CHD6: variants seen among roughly 807,000 people sequenced by gnomAD.
CHD6 encodes the protein chromodomain helicase DNA binding protein 6, also known as ATP-dependent chromatin remodeler CHD6.
In CHD6, 50 loss-of-function variants were observed where a neutral mutation model predicts 276.9. The ratio of observed to expected loss-of-function variants is 0.18; its 90% CI spans 0.14 to 0.23. CHD6 has a LOEUF of 0.23. CHD6 is among the 10% of genes least tolerant of loss of function. The probability of loss-of-function intolerance (pLI) is 1.00; values close to 1 mark genes in which losing one functional copy is unlikely to be tolerated. For missense variants in CHD6, 2,564 were observed against 3,365.8 expected (o/e 0.76, Z 5.89); for synonymous variants, 1,173 against 1,229.3 (o/e 0.95, Z 0.96).
intron 3 of CHD6, among the ~76,000 whole-genome samples, chr20:41,523,905 G>C (rs1196734711): frequency 6.6e-6 from 1 of 152,134 alleles, no homozygotes; most frequent in Non-Finnish European, 1.5e-5. Context: ...CTACTAAGAT[G>C]CATTAATTCA....
chr20:41,406,752 C>G (rs1399633027), intron 36 of CHD6, among the ~76,000 whole-genome samples: 1 of 152,238 alleles, frequency 6.6e-6, no homozygotes, highest in East Asian at 1.9e-4. Flanking sequence ...GCCTTTCTCT[C>G]TCTCGACTGC....
chr20:41,533,089 C>A lies in CHD6; in HGVS notation c.515G>T (p.Cys172Phe), dbSNP rs745666924. 3 of 1,610,910 alleles carry A rather than the reference C, an allele frequency of 1.9e-6. No individual in the cohort carries two copies. The highest frequency in any genetic ancestry group is 1.7e-6 in the Non-Finnish European group (2 of 1,178,992). The change falls in exon 3 of 37, where the codon TGC becomes TTC. Residue 172 changes from cysteine to phenylalanine, a missense_variant. Around this residue, in one of 7 missense-constraint regions of CHD6, gnomAD observed 286 missense variants for 297.8 expected, o/e 0.96. Transcript: ENST00000373233. ...CTTCGTCCTGGCTGCAGAGTCAGTG[C>A]AGCTCCTCTTCTCTTTGGCCTCCTT... ...GTKEAKEKRS[C>F]TDSAARTKSR...
chr20:41,535,979 T>A lies in CHD6; in HGVS notation c.34-2409A>T, dbSNP rs116401954. Reference sequence around the variant, plus strand: ...GTAATAAAATATATAAAATTATAATTGAAAAGTCTACCAGAAATGTTTGTA... The same window carrying A: ...GTAATAAAATATATAAAATTATAATAGAAAAGTCTACCAGAAATGTTTGTA... On this transcript the variant is annotated intron_variant, in intron 2 of 36. Transcript: ENST00000373233. 2.6e-3 allele frequency among the ~76,000 whole-genome samples: 396 copies of A among 152,320 alleles called. 2 individuals carry two copies. Among genetic ancestry groups the A allele is most frequent in the African/African-American group, 9.0e-3 (375 of 41,570 alleles).
At chr20:41,549,267 G>C (rs979237586) in intron 2 of CHD6, among the ~76,000 whole-genome samples, 5 of 151,696 alleles carry the variant, frequency 3.3e-5, no homozygotes, top group Non-Finnish European at 1.5e-5. Context: ...CGATAGACTG[G>C]ATTAAGAAAA....
At chr20:41,542,893 A>G (rs1334593135) in intron 2 of CHD6, among the ~76,000 whole-genome samples, 1 of 151,926 alleles carries the variant, frequency 6.6e-6, no homozygotes, top group Non-Finnish European at 1.5e-5. Flanking sequence ...TCACAAGGTC[A>G]GGAGATTGAG....
At chr20:41,440,413 C>G (rs1235400320) in intron 25 of CHD6, among the ~76,000 whole-genome samples, 1 of 152,206 alleles carries the variant, frequency 6.6e-6, no homozygotes, top group Non-Finnish European at 1.5e-5. Context: ...TGCTTCCCGT[C>G]AGCTGGTTTT....
At position 41,488,572 on chromosome 20, in the gene CHD6, G is replaced by A. The variant is rs775684734; in HGVS notation, c.1713C>T (p.His571=). The A allele has an allele frequency of 8.7e-6, 14 of 1,613,564 alleles. No individual in the cohort carries two copies. The highest frequency in any genetic ancestry group is 5.3e-5 in the African/African-American group (4 of 74,874). Residue 571 remains histidine (H), a synonymous_variant, in exon 13 of 37, where the codon CAC becomes CAT. Coordinates refer to ENST00000373233, the MANE Select transcript of CHD6 (RefSeq NM_032221.5). ...GNPLSGVFKF[H]VVITTFEMIL... ...TCATTTCAAATGTTGTGATGACGAC[G>A]TGGAACTTGAAGACTCCTGAAAGGG...
rs188611517 is a variant in CHD6 at position 41,490,821 on chromosome 20, T to C, written c.1437-800A>G. ...GAGCGAGGCTCTGTCTCAACAAAAA[T>C]AAAAAATAAAAAAATAAAATGGTAT... On this transcript the variant is annotated intron_variant, in intron 11 of 36. Coordinates refer to ENST00000373233, the MANE Select transcript of CHD6 (RefSeq NM_032221.5). 2.3e-3 allele frequency among the ~76,000 whole-genome samples: 352 copies of C among 151,410 alleles called. 1 individual carries two copies. The highest frequency in any genetic ancestry group is 8.1e-3 in the African/African-American group (333 of 41,246).
intron 1 of CHD6, among the ~76,000 whole-genome samples, chr20:41,593,805 T>G (rs1158326745): frequency 6.6e-6 from 1 of 152,072 alleles, no homozygotes; most frequent in East Asian, 1.9e-4. Flanking sequence ...AAAGACCATG[T>G]GAGGATATGG....
At chr20:41,523,159 CT>C (rs1428474210) in intron 3 of CHD6, among the ~76,000 whole-genome samples, 4 of 152,122 alleles carry the variant, frequency 2.6e-5, no homozygotes, top group African/African-American at 4.8e-5. Flanking sequence ...GTTCTGATTC[CT>C]TAAGCCAGTG....
chr20:41,503,200 C>T lies in CHD6; in HGVS notation c.853-3843G>A, dbSNP rs565601076. 3.3e-5 allele frequency among the ~76,000 whole-genome samples: 5 copies of T among 152,088 alleles called. No individual in the cohort carries two copies. In the East Asian group the frequency reaches 5.8e-4, roughly 18 times the overall value. On this transcript the variant is annotated intron_variant, in intron 5 of 36. Transcript: ENST00000373233. The stretch of plus-strand genomic sequence containing the variant: ...TAATTATCCTTTCCTGATGTTATGT[C>T]GCTAGTTTATAGAAATAAAAAATAC...
intron 3 of CHD6, among the ~76,000 whole-genome samples, chr20:41,516,012 C>T (rs6093490): frequency 0.38 from 57,126 of 151,842 alleles, 13,334 homozygotes; most frequent in African/African-American, 0.64. Flanking sequence ...CATATATGTG[C>T]ACATATAAAA....
intron 3 of CHD6, among the ~76,000 whole-genome samples, chr20:41,525,417 T>C (rs1225587670): frequency 6.6e-6 from 1 of 152,202 alleles, no homozygotes; most frequent in Non-Finnish European, 1.5e-5. Flanking sequence ...CAGAGCTGCC[T>C]GCTCCATTGC....
intron 2 of CHD6, among the ~76,000 whole-genome samples, chr20:41,534,581 G>A (rs553912238): frequency 2.6e-5 from 4 of 151,842 alleles, no homozygotes; most frequent in East Asian, 3.9e-4. Flanking sequence ...GATTTTTGGG[G>A]GGGCGGGGGG....
At chr20:41,530,126 A>G (rs954645738) in intron 3 of CHD6, among the ~76,000 whole-genome samples, 1 of 152,196 alleles carries the variant, frequency 6.6e-6, no homozygotes, top group Non-Finnish European at 1.5e-5. Context: ...GAGTAACAGC[A>G]AGTCTGATGG....
At chr20:41,425,440 A>C in intron 28 of CHD6, 46 bp from the exon 29 acceptor site, 2 of 1,516,552 alleles carry the variant, frequency 1.3e-6, no homozygotes, top group South Asian at 2.3e-5. Context: ...CAGAACTAAA[A>C]CAGGAGTGAC....
rs138501751 is a variant in CHD6, at chr20:41,449,994, C to T, written c.3683+952G>A. On this transcript the variant is annotated intron_variant, in intron 23 of 36. Transcript: ENST00000373233. ...ACTAATAATAACAACACTTTGAGTG[C>T]TTACTGCTGTCTCTGAAGAGCTTGT... is the stretch of plus-strand genomic sequence containing the variant. Among the ~76,000 whole-genome samples the T allele has an allele frequency of 2.7e-3, 418 of 152,300 alleles. 2 individuals carry two copies. Among genetic ancestry groups the T allele is most frequent in the Middle Eastern group, 0.024 (7 of 294 alleles).
At chr20:41,498,843 G>A (rs996730526) in intron 6 of CHD6, among the ~76,000 whole-genome samples, 7 of 149,734 alleles carry the variant, frequency 4.7e-5, no homozygotes, top group African/African-American at 1.7e-4. Flanking sequence ...GTGTGTGTGT[G>A]TGTGTATTTT....
At position 41,478,026 on chromosome 20, in the gene CHD6, C is replaced by A. The variant is rs955594354; in HGVS notation, c.2469-4509G>T. Among the ~76,000 whole-genome samples the A allele has an allele frequency of 8.5e-5, 13 of 152,280 alleles. No individual in the cohort carries two copies. In the East Asian group the frequency reaches 2.5e-3, roughly 29 times the overall value. On this transcript the variant is annotated intron_variant, in intron 16 of 36. Transcript: ENST00000373233. ...CTTACTCTTTCTCACCCCTCCCCCA[C>A]AATTAGCTCTAAATACAGTCAAGTT...
Sources: gnomAD v4.1 joint callset for allele counts (sites outside exome capture counted in the v4.1 genomes callset) on GRCh38, gnomAD v4.1.1 for gene constraint, gnomAD v4.1.1 regional missense constraint, MANE v1.5 for transcripts, NCBI Gene and HGNC (gene_info 2026-07-23, HGNC 2026-07-21) for gene names.